The following SLC12A9 variants were observed in gnomAD, a reference collection of about 807,000 sequenced individuals.
The protein encoded by SLC12A9 is CCC-interacting protein 1.
In SLC12A9, 55 loss-of-function variants were observed where a neutral mutation model predicts 66.0. That is an observed-to-expected ratio of 0.83 (90% CI 0.67 to 1.04). SLC12A9 has a LOEUF of 1.04. SLC12A9 is among the 50% of genes least tolerant of loss of function. The pLI, the probability that SLC12A9 is intolerant of heterozygous loss-of-function variation, is 0.00. For synonymous variants in SLC12A9, 577 were observed against 569.0 expected (o/e 1.01, Z -0.20); for missense variants, 1,061 against 1,241.9 (o/e 0.85, Z 2.19).
At chr7:100,843,882 A>T (rs1354418686) in intron 1 of SLC12A9, among the ~76,000 whole-genome samples, 1 of 152,214 alleles carries the variant, frequency 6.6e-6, no homozygotes, top group Non-Finnish European at 1.5e-5. Context: ...TAGGGGTGTT[A>T]GACTCAGTTT....
chr7:100,859,903 C>T lies in SLC12A9; in HGVS notation c.996C>T (p.Asp332=). 1.2e-6 allele frequency: 2 copies of T among 1,604,012 alleles called. No individual in the cohort carries two copies. Among genetic ancestry groups the T allele is most frequent in the Non-Finnish European group, 1.7e-6 (2 of 1,171,484 alleles). The change falls in exon 8 of 14, where the codon GAC becomes GAT. Residue 332 remains aspartate, a synonymous_variant. Coordinates refer to ENST00000354161, the MANE Select transcript of SLC12A9 (RefSeq NM_020246.4). ...TTCCTAGGACCCTGCTGCAGGAAGA[C>T]TATGGGTTCTTCCGCGCCATCAGCC... ...FTCDRTLLQE[D]YGFFRAISLW...
intron 1 of SLC12A9, among the ~76,000 whole-genome samples, chr7:100,832,384 T>C (rs1317372653): frequency 1.3e-5 from 2 of 152,064 alleles, no homozygotes; most frequent in African/African-American, 4.8e-5. Flanking sequence ...TGGTGGCATG[T>C]GGCTATGGTC....
At chr7:100,855,041 G>A (rs150816767) in intron 3 of SLC12A9, among the ~76,000 whole-genome samples, 2 of 152,274 alleles carry the variant, frequency 1.3e-5, no homozygotes, top group Non-Finnish European at 2.9e-5. Flanking sequence ...GCACCCGCCT[G>A]TGATTCCAGC....
intron 1 of SLC12A9, among the ~76,000 whole-genome samples, chr7:100,828,820 G>A (rs955607305): frequency 6.6e-6 from 1 of 152,036 alleles, no homozygotes; most frequent in East Asian, 1.9e-4. Flanking sequence ...CAGTTAGCGG[G>A]GAGGGTCCAG....
At chr7:100,840,589 GAGAC>G (rs1562982222) in intron 1 of SLC12A9, among the ~76,000 whole-genome samples, 1 of 151,978 alleles carries the variant, frequency 6.6e-6, no homozygotes, top group Admixed American at 6.6e-5. Flanking sequence ...AGAAAGGAAA[GAGAC>G]AGAGAGGAAG....
intron 9 of SLC12A9, chr7:100,860,809 T>G (rs967841697): frequency 3.0e-5 from 13 of 433,656 alleles, no homozygotes; most frequent in African/African-American, 2.7e-4. Flanking sequence ...CATGGTTCAC[T>G]GGTACTTTCC....
Position 100,866,423 on chromosome 7 carries a change from G to T in SLC12A9, c.2563G>T (p.Gly855Trp). The change falls in exon 14 of 14, where the codon GGG becomes TGG. Residue 855 changes from glycine to tryptophan, a missense_variant. Physicochemically the swap from Gly to Trp is radical, Grantham distance 184. Transcript: ENST00000354161. This position sits in a 1 kb window ranked among gnomAD's most constrained non-coding sequence, Gnocchi z 7.3. ...QGRGTGGGPGGPEGGDAEGPI... is the reference protein window; with the variant it reads ...QGRGTGGGPGWPEGGDAEGPI... ...GCGCGGCACAGGAGGAGGGCCGGGT[G>T]GGCCGGAGGGTGGGGATGCTGAGGG... 6.5e-7 allele frequency: 1 copy of T among 1,546,330 alleles called. No homozygotes were observed. The highest frequency in any genetic ancestry group is 1.7e-4 in the Middle Eastern group (1 of 5,816).
intron 1 of SLC12A9, among the ~76,000 whole-genome samples, chr7:100,831,180 G>GTATTT (rs914413606): frequency 5.9e-5 from 9 of 152,034 alleles, no homozygotes; most frequent in African/African-American, 1.2e-4. Context: ...CTTTTCTTTT[G>GTATTT]TATTTTATTT....
chr7:100,841,707 AAC>A (rs1425372426), intron 1 of SLC12A9, among the ~76,000 whole-genome samples: 17 of 152,192 alleles, frequency 1.1e-4, no homozygotes, highest in Non-Finnish European at 2.4e-4. Flanking sequence ...TAACATTCAT[AAC>A]ACACGAATAT....
chr7:100,857,889 C>T (rs939617302), intron 5 of SLC12A9: 1 of 152,152 alleles, frequency 6.6e-6, no homozygotes, highest in African/African-American at 2.4e-5. Flanking sequence ...CCATTGCACT[C>T]CAGCCTGGGA....
chr7:100,865,194 G>A, intron 13 of SLC12A9: 2 of 1,438,100 alleles, frequency 1.4e-6, no homozygotes, highest in African/African-American at 1.4e-5. Flanking sequence ...CTGATCTCAG[G>A]TGATCAACGT....
At chr7:100,835,948 G>C (rs1813648086) in intron 1 of SLC12A9, among the ~76,000 whole-genome samples, 2 of 152,214 alleles carry the variant, frequency 1.3e-5, no homozygotes, top group African/African-American at 4.8e-5. Flanking sequence ...AGCTAAGAAC[G>C]ACTGTTCAGG....
chr7:100,846,638 A>G (rs1307657924), intron 1 of SLC12A9, among the ~76,000 whole-genome samples: 1 of 152,154 alleles, frequency 6.6e-6, no homozygotes. Flanking sequence ...TATATGAATC[A>G]CTATCGATCT....
chr7:100,830,055 G>A (rs770056267), intron 1 of SLC12A9, among the ~76,000 whole-genome samples: 4 of 146,906 alleles, frequency 2.7e-5, no homozygotes, highest in Non-Finnish European at 6.0e-5. Flanking sequence ...AAATAAATAA[G>A]TAAATAAATA....
chr7:100,837,725 C>T (rs1813690626), intron 1 of SLC12A9: 1 of 152,064 alleles, frequency 6.6e-6, no homozygotes, highest in African/African-American at 2.4e-5. Context: ...TGGGCAAGGT[C>T]ATACCTCATT....
At chr7:100,845,946 A>T (rs943313300) in intron 1 of SLC12A9, among the ~76,000 whole-genome samples, 5 of 152,254 alleles carry the variant, frequency 3.3e-5, no homozygotes, top group African/African-American at 1.2e-4. Context: ...GCCGGCAAGA[A>T]ACTCAGATGA....
chr7:100,845,280 A>T (rs1402251206), intron 1 of SLC12A9, among the ~76,000 whole-genome samples: 1 of 149,836 alleles, frequency 6.7e-6, no homozygotes, highest in Non-Finnish European at 1.5e-5. Flanking sequence ...AGATATGTGG[A>T]CATAGAGCCT....
At chr7:100,848,179 C>T (rs1388024902), upstream of SLC12A9, among the ~76,000 whole-genome samples, 3 of 150,084 alleles carry the variant, frequency 2.0e-5, no homozygotes, top group Non-Finnish European at 4.4e-5. Flanking sequence ...GCTAGAGGTA[C>T]ACCCTTGGAG....
chr7:100,835,471 GA>G (rs1304074899), intron 1 of SLC12A9, among the ~76,000 whole-genome samples: 2 of 151,590 alleles, frequency 1.3e-5, no homozygotes, highest in Non-Finnish European at 2.9e-5. Context: ...CCAACATGGT[GA>G]AACCCCGTCT....
Sources: allele counts gnomAD v4.1 joint callset (sites outside exome capture counted in the v4.1 genomes callset), GRCh38; gene constraint gnomAD v4.1.1; non-coding constraint Gnocchi (gnomAD v3.1); transcripts MANE v1.5; gene names NCBI Gene and HGNC (gene_info 2026-07-23, HGNC 2026-07-21).